UTP18: variants seen among roughly 807,000 people sequenced by gnomAD.
UTP18 encodes UTP18 small subunit processome component, also known as U3 small nucleolar RNA-associated protein 18 homolog.
Under a neutral mutation model 61.1 loss-of-function variants are expected in UTP18, and 36 were observed. The ratio of observed to expected loss-of-function variants is 0.59; its 90% CI spans 0.45 to 0.78. The LOEUF is 0.78. UTP18 is among the 30% of genes least tolerant of loss of function. The pLI, the probability that UTP18 is intolerant of heterozygous loss-of-function variation, is 0.00. For missense variants in UTP18, 753 were observed against 693.9 expected (o/e 1.09, Z -0.96); for synonymous variants, 282 against 251.1 (o/e 1.12, Z -1.16).
At position 51,277,245 on chromosome 17, in the gene UTP18, A is replaced by C. The variant is rs761118446; in HGVS notation, c.953A>C (p.Lys318Thr). 6.2e-7 allele frequency: 1 copy of C among 1,614,194 alleles called. No individual in the cohort carries two copies. Among genetic ancestry groups the C allele is most frequent in the Admixed American group, 1.7e-5 (1 of 60,022 alleles). The change falls in exon 7 of 14, where the codon AAG becomes ACG. Residue 318 changes from lysine (K) to threonine (T), a missense_variant. Coordinates refer to ENST00000225298, the MANE Select transcript of UTP18 (RefSeq NM_016001.3). ...EEVLATSTHS[K>T]VLYVYDMLAG... is the part of the protein sequence containing the mutation. ...GTTTTAGCCACGAGTACCCACAGCAAGGTTCTTTATGTCTATGACATGCTG... is the reference window on the plus strand; with the variant it reads ...GTTTTAGCCACGAGTACCCACAGCACGGTTCTTTATGTCTATGACATGCTG...
At chr17:51,278,727 T>C (rs1904812253) in intron 7 of UTP18, among the ~76,000 whole-genome samples, 1 of 152,240 alleles carries the variant, frequency 6.6e-6, no homozygotes, top group Admixed American at 6.5e-5. Context: ...CGTAATGATA[T>C]TTTCTTTATG....
chr17:51,266,350 G>A (rs2055561148), intron 3 of UTP18, 70 bp downstream of exon 3: 5 of 1,063,794 alleles, frequency 4.7e-6, no homozygotes, highest in Non-Finnish European at 3.9e-6. Context: ...AACCGTAACC[G>A]CTTCTTGTGT....
At chr17:51,263,084 C>T (rs978885054) in intron 1 of UTP18, among the ~76,000 whole-genome samples, 190 bp from the exon 2 acceptor site, 2 of 152,226 alleles carry the variant, frequency 1.3e-5, no homozygotes, top group African/African-American at 4.8e-5. Flanking sequence ...CCTGTCCAGT[C>T]GGTGCCATTC....
rs886468616 is a variant in UTP18, at chr17:51,260,993, C to CG, written c.342+73dup. On this transcript the variant is annotated intron_variant, in intron 1 of 13. Coordinates refer to ENST00000225298, the MANE Select transcript of UTP18 (RefSeq NM_016001.3). Reference sequence around the variant, plus strand: ...GGGCGCGCGGTGGGCGGTGAAGCTCCGGGGGGCGGAGCCTGGGCGACCTGC... The same window carrying CG: ...GGGCGCGCGGTGGGCGGTGAAGCTCCGGGGGGGCGGAGCCTGGGCGACCTGC... 10 of 1,339,214 alleles carry CG rather than the reference C, an allele frequency of 7.5e-6. No homozygotes were observed. The South Asian group carries it at 1.2e-4, about 15-fold the overall frequency. 83.0% of individuals were successfully genotyped at this position (1,339,214 alleles called of 1,614,324 possible). A position where few individuals can be genotyped will look rare whatever the true frequency, so the allele number is the denominator to read the frequency against.
chr17:51,293,937 T>C lies in UTP18; in HGVS notation c.1538T>C (p.Phe513Ser), dbSNP rs1905295873. The C allele has an allele frequency of 4.4e-6, 7 of 1,602,650 alleles. No individual in the cohort carries two copies. Among genetic ancestry groups the C allele is most frequent in the Admixed American group, 1.7e-5 (1 of 58,740 alleles). ...HLPSCTVFSN[F>S]PVIKNKNISH... ...CCTTCCTGTACAGTATTTTCAAACT[T>C]CCCAGTCATTAAAAATAAGAATATT... Residue 513 changes from phenylalanine to serine, a missense_variant, in exon 12 of 14, where the codon TTC (phenylalanine) becomes TCC (serine). Coordinates refer to ENST00000225298, the MANE Select transcript of UTP18 (RefSeq NM_016001.3).
chr17:51,273,542 T>C (rs1435171133), intron 5 of UTP18, 92 bp downstream of exon 5: 3 of 836,670 alleles, frequency 3.6e-6, no homozygotes, highest in African/African-American at 3.4e-5. Flanking sequence ...ATTCCTATTA[T>C]CTGTGGGGTT....
At chr17:51,262,326 C>T (rs528836496) in intron 1 of UTP18, among the ~76,000 whole-genome samples, 41 of 152,130 alleles carry the variant, frequency 2.7e-4, no homozygotes, top group African/African-American at 9.6e-4. Flanking sequence ...CCTCGTGATC[C>T]GCCCGCCTCG....
chr17:51,261,249 T>C (rs2055468796), intron 1 of UTP18, among the ~76,000 whole-genome samples: 1 of 152,196 alleles, frequency 6.6e-6, no homozygotes, highest in Admixed American at 6.5e-5. Flanking sequence ...CTGAGGGTGG[T>C]CTTTTGATCA....
In UTP18 at chr17:51,277,299, T is replaced by TA. The variant is rs1567702182; in HGVS notation, c.1007_1008insA (p.Arg337GlufsTer12). 26 of 1,613,890 alleles carry TA rather than the reference T, an allele frequency of 1.6e-5. No homozygotes were observed. The highest frequency in any genetic ancestry group is 2.1e-5 in the Non-Finnish European group (25 of 1,179,884). ...GGAAAGTTAATTCCTGTGCATCAAG[T>TA]GAGAGGTAAGATTTCTGTTGAATGC... On this transcript the variant is annotated frameshift_variant, in exon 7 of 14. Coordinates refer to ENST00000225298, the MANE Select transcript of UTP18 (RefSeq NM_016001.3). LOFTEE classifies it high-confidence loss of function.
intron 9 of UTP18, among the ~76,000 whole-genome samples, chr17:51,283,879 T>G (rs1222271797): frequency 6.6e-6 from 1 of 152,128 alleles, no homozygotes; most frequent in East Asian, 1.9e-4. Flanking sequence ...CCTCCCAAAG[T>G]GCTGGGATTA....
rs2144439519 is a variant in UTP18 at position 51,288,158 on chromosome 17, A to T, written c.1458A>T (p.Glu486Asp). The change falls in exon 11 of 14, where the codon GAA becomes GAT. Residue 486 changes from glutamate (E) to aspartate (D), a missense_variant. Physicochemically the swap from Glu to Asp is conservative, Grantham distance 45. Transcript: ENST00000225298. Reference sequence around the variant, plus strand: ...CTCTGACCTTCAATCCTACTACAGAAATCTTGGCAATTGCTTCAGAAAAAA... The same window carrying T: ...CTCTGACCTTCAATCCTACTACAGATATCTTGGCAATTGCTTCAGAAAAAA... The part of the protein sequence containing the change: ...VTSLTFNPTT[E>D]ILAIASEKMK... 3.1e-6 allele frequency: 5 copies of T among 1,601,494 alleles called. No individual in the cohort carries two copies. The South Asian group carries it at 5.7e-5, about 18-fold the overall frequency.
rs2055430860 is a variant in UTP18, at chr17:51,260,715, C to T, written c.131C>T (p.Pro44Leu). 3.1e-6 allele frequency: 5 copies of T among 1,600,154 alleles called. No homozygotes were observed. The highest frequency in any genetic ancestry group is 4.3e-6 in the Non-Finnish European group (5 of 1,174,324). The change falls in exon 1 of 14, where the codon CCT (proline) becomes CTT (leucine). Residue 44 changes from proline (P) to leucine (L), a missense_variant. By Grantham distance (98) the Pro-to-Leu change is moderately conservative. Coordinates refer to ENST00000225298, the MANE Select transcript of UTP18 (RefSeq NM_016001.3). Reference sequence around the variant, plus strand: ...GGCGGGCCTCCCCAAAAGCCTGCCCCTTCATCCCAGCGGAAACCGCCGGCC... The same window carrying T: ...GGCGGGCCTCCCCAAAAGCCTGCCCTTTCATCCCAGCGGAAACCGCCGGCC... ...GPGGPPQKPA[P>L]SSQRKPPARP...
At chr17:51,289,202 T>G (rs200197807) in intron 11 of UTP18, among the ~76,000 whole-genome samples, 12 of 28,000 alleles carry the variant, frequency 4.3e-4, no homozygotes, top group South Asian at 1.4e-3. Context: ...TTTTTTTTGT[T>G]TTTTTTTTTT....
At chr17:51,273,739 T>TAATAAATAAATAAATAAATA (rs58946658) in intron 5 of UTP18, among the ~76,000 whole-genome samples, 4,788 of 141,020 alleles carry the variant, frequency 0.034, 128 homozygotes, top group Middle Eastern at 0.067. Flanking sequence ...GTCTCTAAAA[T>TAATAAATAAATAAATAAATA]AATAAATAAA....
intron 3 of UTP18, 144 bp downstream of exon 3, chr17:51,266,424 T>G (rs888781348): frequency 1.9e-6 from 1 of 516,050 alleles, no homozygotes; most frequent in South Asian, 4.9e-5. Context: ...TTCTGTAGTT[T>G]TTTTTAGGGG....
chr17:51,282,393 A>C (rs1360302327), intron 9 of UTP18, among the ~76,000 whole-genome samples: 1 of 152,080 alleles, frequency 6.6e-6, no homozygotes, highest in Non-Finnish European at 1.5e-5. Context: ...GTTTTTAATC[A>C]ATGCATATAA....
chr17:51,281,164 A>ATTTTTTT (rs1555555693), intron 9 of UTP18, among the ~76,000 whole-genome samples: 3 of 140,424 alleles, frequency 2.1e-5, no homozygotes, highest in African/African-American at 8.0e-5. Context: ...ATATATATAT[A>ATTTTTTT]TTTTTTTTAA....
At chr17:51,260,951 C>T (rs1358461383) in intron 1 of UTP18, 25 bp downstream of exon 1, 4 of 1,489,160 alleles carry the variant, frequency 2.7e-6, no homozygotes, top group African/African-American at 1.5e-5. Flanking sequence ...GGCGCGCGGG[C>T]TGGGCGCACT....
At chr17:51,270,161 T>A (rs1904478558) in intron 4 of UTP18, among the ~76,000 whole-genome samples, 1 of 152,194 alleles carries the variant, frequency 6.6e-6, no homozygotes, top group Admixed American at 6.5e-5. Flanking sequence ...TAAACTGTTT[T>A]TTCCCCTTCT....
Sources: allele counts gnomAD v4.1 joint callset (sites outside exome capture counted in the v4.1 genomes callset), GRCh38; gene constraint gnomAD v4.1.1; transcripts MANE v1.5; gene names NCBI Gene and HGNC (gene_info 2026-07-23, HGNC 2026-07-21).